PCSK6: variants seen among roughly 807,000 people sequenced by gnomAD.
PCSK6 encodes the protein proprotein convertase subtilisin/kexin type 6.
In PCSK6, 85 loss-of-function variants were observed where a neutral mutation model predicts 123.3. The observed-to-expected ratio is 0.69, with a 90% CI of 0.58 to 0.83. PCSK6 has a LOEUF of 0.83. Among genes scored for constraint, PCSK6 ranks in the 40% least tolerant of loss-of-function variants. The pLI, the probability that PCSK6 is intolerant of heterozygous loss-of-function variation, is 0.00. For missense variants in PCSK6, 1,191 were observed against 1,282.3 expected (o/e 0.93, Z 1.09); for synonymous variants, 508 against 516.0 (o/e 0.98, Z 0.21).
chr15:101,313,592 G>C (rs905170127), intron 19 of PCSK6, 87 bp from the exon 20 acceptor site: 1 of 1,512,530 alleles, frequency 6.6e-7, no homozygotes, highest in African/African-American at 1.4e-5. Context: ...TGTGAGATCA[G>C]GGGTACCATT....
At chr15:101,470,011 G>C (rs898117091) in intron 1 of PCSK6, among the ~76,000 whole-genome samples, 1 of 152,166 alleles carries the variant, frequency 6.6e-6, no homozygotes, top group Non-Finnish European at 1.5e-5. Flanking sequence ...CTCACTTCGG[G>C]ACTGGCATTA....
chr15:101,356,007 G>A (rs890028653), intron 13 of PCSK6, among the ~76,000 whole-genome samples: 1 of 152,222 alleles, frequency 6.6e-6, no homozygotes, highest in Non-Finnish European at 1.5e-5. Context: ...AAAAGCGGAG[G>A]CAGGAGGATC....
chr15:101,400,959 C>A lies in PCSK6; in HGVS notation c.824-2383G>T, dbSNP rs76064322. 4.1e-3 allele frequency among the ~76,000 whole-genome samples: 624 copies of A among 152,246 alleles called. 5 individuals carry two copies. The highest frequency in any genetic ancestry group is 0.013 in the African/African-American group (536 of 41,538). On this transcript the variant is annotated intron_variant, in intron 6 of 21. Coordinates refer to ENST00000611716, the MANE Select transcript of PCSK6 (RefSeq NM_002570.5). ...GCCCTGAAATTTCCCAGGCATGAAG[C>A]AAGACAGAGAATACAAGAGTCACCA...
intron 7 of PCSK6, among the ~76,000 whole-genome samples, chr15:101,396,350 G>A (rs78699588): frequency 4.6e-5 from 7 of 152,028 alleles, no homozygotes; most frequent in South Asian, 2.1e-4. Flanking sequence ...CAGAGAGCCC[G>A]AACGATCACT....
chr15:101,323,807 C>G (rs186710480), intron 17 of PCSK6, among the ~76,000 whole-genome samples: 66 of 151,954 alleles, frequency 4.3e-4, no homozygotes, highest in Admixed American at 3.9e-3. Context: ...GTCTTGTCCA[C>G]AGGGGTAACG....
chr15:101,366,151 G>T (rs371376541), intron 13 of PCSK6, 45 bp downstream of exon 13: 3 of 1,576,900 alleles, frequency 1.9e-6, no homozygotes, highest in African/African-American at 2.7e-5. Context: ...GTAAAAAGAG[G>T]CTTGAGATAC....
chr15:101,334,125 C>G (rs897850498), intron 13 of PCSK6: 3 of 152,344 alleles, frequency 2.0e-5, no homozygotes, highest in Admixed American at 6.5e-5. Context: ...GCAGCTCCCC[C>G]TCCCTGACAC....
At chr15:101,455,668 A>C (rs1416501712) in intron 1 of PCSK6, among the ~76,000 whole-genome samples, 1 of 152,188 alleles carries the variant, frequency 6.6e-6, no homozygotes, top group Non-Finnish European at 1.5e-5. Context: ...AGATACAGAA[A>C]GCTTTCATCC....
Position 101,389,448 on chromosome 15 carries a change from G to A in PCSK6, c.1310+16C>T, listed in dbSNP as rs760461043. On this transcript the variant is annotated intron_variant, in intron 9 of 21. Coordinates refer to ENST00000611716, the MANE Select transcript of PCSK6 (RefSeq NM_002570.5). ...AAACATTTTTTTTTTTTAGAAAAAG[G>A]TAAGTGGGAACTTACTTTGCTTCTA... The A allele has an allele frequency of 1.9e-6, 3 of 1,577,162 alleles. No homozygotes were observed. Among genetic ancestry groups the A allele is most frequent in the Admixed American group, 1.7e-5 (1 of 59,882 alleles).
chr15:101,347,693 C>T (rs748934979), intron 13 of PCSK6: 41 of 1,606,228 alleles, frequency 2.6e-5, no homozygotes, highest in Non-Finnish European at 1.5e-5. Flanking sequence ...TGGCTTTGGT[C>T]ATCTGTCCCT....
intron 2 of PCSK6, among the ~76,000 whole-genome samples, chr15:101,441,663 T>C (rs1161994934): frequency 6.6e-6 from 1 of 152,222 alleles, no homozygotes; most frequent in Non-Finnish European, 1.5e-5. Context: ...TCTGCTTTAT[T>C]AATTCTTGGA....
intron 11 of PCSK6, among the ~76,000 whole-genome samples, chr15:101,381,612 C>T (rs1426657570): frequency 6.6e-6 from 1 of 152,220 alleles, no homozygotes. Flanking sequence ...AGAGAAGAGG[C>T]TGACCCAGCT....
At chr15:101,466,954 G>A (rs1409805169) in intron 1 of PCSK6, among the ~76,000 whole-genome samples, 2 of 152,116 alleles carry the variant, frequency 1.3e-5, no homozygotes, top group African/African-American at 2.4e-5. Flanking sequence ...CTCTCTGAAT[G>A]TACCAAAACC....
intron 6 of PCSK6, among the ~76,000 whole-genome samples, chr15:101,408,717 A>G (rs1270868794): frequency 6.6e-6 from 1 of 152,338 alleles, no homozygotes; most frequent in African/African-American, 2.4e-5. Flanking sequence ...ATGCGCTGGG[A>G]ACCTTTGAAG....
In PCSK6 at chr15:101,398,488, G is replaced by A; in HGVS notation, c.912C>T (p.Ala304=). ...TGCCGTCGTCGTCCGGCCCCCAGCTGGCACTGTAAATGTCGATGTAGTTGG... is the reference window on the plus strand; with the variant it reads ...TGCCGTCGTCGTCCGGCCCCCAGCTAGCACTGTAAATGTCGATGTAGTTGG... The part of the protein sequence containing the change: ...IRPNYIDIYS[A]SWGPDDDGKT... The change falls in exon 7 of 22, where the codon GCC becomes GCT. Residue 304 remains alanine (A), a synonymous_variant. Coordinates refer to ENST00000611716, the MANE Select transcript of PCSK6 (RefSeq NM_002570.5). The surrounding 1 kb of genome is among the most constrained non-coding windows in gnomAD (Gnocchi z 4.6). 8 of 1,613,976 alleles carry A rather than the reference G, an allele frequency of 5.0e-6. No homozygotes were observed. The highest frequency in any genetic ancestry group is 6.8e-6 in the Non-Finnish European group (8 of 1,179,862).
chr15:101,368,799 C>T (rs974851290), intron 12 of PCSK6, among the ~76,000 whole-genome samples: 3 of 152,310 alleles, frequency 2.0e-5, no homozygotes, highest in African/African-American at 4.8e-5. Flanking sequence ...CGCAGGAACA[C>T]GGGGCTGGTG....
At chr15:101,372,705 C>T (rs1370472107) in intron 11 of PCSK6, among the ~76,000 whole-genome samples, 1 of 152,146 alleles carries the variant, frequency 6.6e-6, no homozygotes, top group Non-Finnish European at 1.5e-5. Flanking sequence ...AACGTCTATG[C>T]CGGCAGACTT....
chr15:101,469,805 G>A (rs1027735686), intron 1 of PCSK6, among the ~76,000 whole-genome samples: 1 of 152,162 alleles, frequency 6.6e-6, no homozygotes, highest in African/African-American at 2.4e-5. Context: ...CAACACAAAA[G>A]GTAAAAGAAA....
intron 9 of PCSK6, among the ~76,000 whole-genome samples, chr15:101,387,393 A>G (rs1411475481): frequency 1.3e-5 from 2 of 152,234 alleles, no homozygotes; most frequent in Admixed American, 6.5e-5. Flanking sequence ...AGACGGCTAC[A>G]GCCAGTCCTC....
Sources: allele counts gnomAD v4.1 joint callset (sites outside exome capture counted in the v4.1 genomes callset), GRCh38; gene constraint gnomAD v4.1.1; non-coding constraint Gnocchi (gnomAD v3.1); transcripts MANE v1.5; gene names NCBI Gene and HGNC (gene_info 2026-07-23, HGNC 2026-07-21).